GRB10: variants seen among roughly 807,000 people sequenced by gnomAD.
GRB10 encodes growth factor receptor-bound protein 10.
GRB10 carries 20 observed loss-of-function variants against 80.9 expected under a neutral mutation model. That is an observed-to-expected ratio of 0.25 (90% CI 0.17 to 0.36). GRB10 has a LOEUF of 0.36. GRB10 is among the 10% of genes least tolerant of loss of function. The pLI, the probability that GRB10 is intolerant of heterozygous loss-of-function variation, is 1.00. For missense variants in GRB10, 548 were observed against 747.7 expected (o/e 0.73, Z 3.12); for synonymous variants, 291 against 291.5 (o/e 1.00, Z 0.02).
chr7:50,668,549 G>T (rs2060042968), intron 7 of GRB10, among the ~76,000 whole-genome samples: 1 of 152,132 alleles, frequency 6.6e-6, no homozygotes, highest in African/African-American at 2.4e-5. Flanking sequence ...GTGGAACAGA[G>T]GGAACATGCG....
At chr7:50,760,879 A>G (rs1385987942) in intron 2 of GRB10, among the ~76,000 whole-genome samples, 1 of 152,230 alleles carries the variant, frequency 6.6e-6, no homozygotes, top group Non-Finnish European at 1.5e-5. Flanking sequence ...TGGTGGTGAC[A>G]GCTATGATAA....
intron 5 of GRB10, among the ~76,000 whole-genome samples, chr7:50,676,339 G>C (rs985534469): frequency 1.1e-4 from 15 of 138,302 alleles, no homozygotes; most frequent in East Asian, 8.2e-4. Context: ...CCCCACCGGG[G>C]GGGGGGGGGG....
chr7:50,748,600 C>T (rs1562600309), intron 3 of GRB10, among the ~76,000 whole-genome samples: 1 of 152,342 alleles, frequency 6.6e-6, no homozygotes, highest in East Asian at 1.9e-4. Flanking sequence ...CAGCTAAGCG[C>T]TGACTTCCAT....
Position 50,614,895 on chromosome 7 carries a change from GC to G in GRB10, c.985-16del. 1 of 1,561,598 alleles carries G rather than the reference GC, an allele frequency of 6.4e-7. No individual in the cohort carries two copies. The highest frequency in any genetic ancestry group is 8.8e-7 in the Non-Finnish European group (1 of 1,132,134). Reference sequence around the variant, plus strand: ...TGTCTGGGTTCCTGTGACAACACTGGCCAGGTTAAAGTCTCAAGCACAGCAA... The same window carrying G: ...TGTCTGGGTTCCTGTGACAACACTGGCAGGTTAAAGTCTCAAGCACAGCAA... On this transcript the variant is annotated splice_polypyrimidine_tract_variant and intron_variant, in intron 11 of 18. Coordinates refer to ENST00000401949, the MANE Select transcript of GRB10 (RefSeq NM_001350814.2).
intron 7 of GRB10, among the ~76,000 whole-genome samples, chr7:50,638,564 T>A (rs758124591): frequency 3.9e-5 from 6 of 152,134 alleles, no homozygotes; most frequent in Non-Finnish European, 7.4e-5. Flanking sequence ...CCACGGAGAA[T>A]GGCTATTACT....
At position 50,749,133 on chromosome 7, in the gene GRB10, TG is replaced by T. The variant is rs371251341; in HGVS notation, c.-47+6753del. Among the ~76,000 whole-genome samples, 124 of 141,726 alleles carry T rather than the reference TG, an allele frequency of 8.7e-4. 2 individuals are homozygous for T. The highest frequency in any genetic ancestry group is 4.1e-3 in the East Asian group (20 of 4,904). The allele number at this position is 141,726 out of a possible 152,430, so 93.0% of individuals were successfully genotyped here. ...TTTTGTTTTGTTTTGTTTTTTTGTT[TG>T]TTTTTTTTTTTTGAGATGGAGTCTC... On this transcript the variant is annotated intron_variant, in intron 3 of 18. Transcript: ENST00000401949.
intron 5 of GRB10, among the ~76,000 whole-genome samples, chr7:50,682,795 T>G (rs750310903): frequency 1.3e-5 from 2 of 152,192 alleles, no homozygotes; most frequent in African/African-American, 2.4e-5. Flanking sequence ...AGCATATATT[T>G]TCTGGTCCAA....
chr7:50,786,284 AAGAG>A (rs1344516921), upstream of GRB10, among the ~76,000 whole-genome samples: 1 of 152,208 alleles, frequency 6.6e-6, no homozygotes, highest in African/African-American at 2.4e-5. Context: ...CCATCCTAGA[AAGAG>A]AGAAGAGGAA....
intron 4 of GRB10, among the ~76,000 whole-genome samples, chr7:50,725,330 ATGATTTTAAGTTTCC>A (rs1395423812): frequency 6.6e-6 from 1 of 152,154 alleles, no homozygotes; most frequent in Non-Finnish European, 1.5e-5. Flanking sequence ...TGCTTCTGCC[ATGATTTTAAGTTTCC>A]TGAGGCCTTC....
intron 2 of GRB10, among the ~76,000 whole-genome samples, chr7:50,765,518 A>G (rs1439190834): frequency 1.3e-5 from 2 of 152,242 alleles, no homozygotes; most frequent in African/African-American, 4.8e-5. Flanking sequence ...TTGCAACAGC[A>G]TGCATTAACC....
At chr7:50,619,322 G>A (rs1186872146) in intron 8 of GRB10, 37 bp from the exon 9 acceptor site, 12 of 1,217,570 alleles carry the variant, frequency 9.9e-6, no homozygotes, top group Non-Finnish European at 1.5e-5. Flanking sequence ...GACGCAACAG[G>A]TGGGAAATTC....
At chr7:50,628,573 TG>T (rs1330323094) in intron 7 of GRB10, among the ~76,000 whole-genome samples, 1 of 123,162 alleles carries the variant, frequency 8.1e-6, no homozygotes, top group Non-Finnish European at 1.7e-5. Context: ...GTGGGGGTGG[TG>T]GGGGTGGTAG....
chr7:50,665,401 C>A (rs2059694648), intron 7 of GRB10, among the ~76,000 whole-genome samples: 1 of 152,260 alleles, frequency 6.6e-6, no homozygotes, highest in African/African-American at 2.4e-5. Flanking sequence ...TCTAGAAAGA[C>A]AACTCCAAAA....
intron 7 of GRB10, among the ~76,000 whole-genome samples, chr7:50,667,037 T>C (rs1386574879): frequency 1.2e-5 from 1 of 83,100 alleles, no homozygotes; most frequent in Non-Finnish European, 2.3e-5. Flanking sequence ...AGCGAGACTC[T>C]GTCTCAAAAA....
At chr7:50,668,887 A>G (rs1191160932) in intron 7 of GRB10, among the ~76,000 whole-genome samples, 1 of 152,200 alleles carries the variant, frequency 6.6e-6, no homozygotes, top group Non-Finnish European at 1.5e-5. Flanking sequence ...TCATATGGGG[A>G]CAATGGTTGT....
At chr7:50,593,159 G>T in intron 18 of GRB10, 61 bp from the exon 19 acceptor site, 1 of 1,588,820 alleles carries the variant, frequency 6.3e-7, no homozygotes, top group Non-Finnish European at 8.6e-7. Flanking sequence ...ACAGAACGGG[G>T]CCCACGGCCA....
At chr7:50,646,118 A>G (rs1284905683) in intron 7 of GRB10, among the ~76,000 whole-genome samples, 5 of 152,246 alleles carry the variant, frequency 3.3e-5, no homozygotes, top group African/African-American at 4.8e-5. Context: ...TGTTCATTTC[A>G]GCTCTATTCA....
intron 4 of GRB10, among the ~76,000 whole-genome samples, chr7:50,715,220 A>C (rs1336596056): frequency 6.6e-6 from 1 of 151,784 alleles, no homozygotes; most frequent in African/African-American, 2.4e-5. Flanking sequence ...TTTGAAGGGC[A>C]GGCGCGATCT....
At chr7:50,746,767 C>T (rs758648226) in intron 3 of GRB10, among the ~76,000 whole-genome samples, 4 of 152,122 alleles carry the variant, frequency 2.6e-5, no homozygotes, top group Non-Finnish European at 5.9e-5. Flanking sequence ...ACTTCAGGGC[C>T]TGCACACCAC....
Sources: allele counts gnomAD v4.1 joint callset (sites outside exome capture counted in the v4.1 genomes callset), GRCh38; gene constraint gnomAD v4.1.1; transcripts MANE v1.5; gene names NCBI Gene and HGNC (gene_info 2026-07-23, HGNC 2026-07-21).